The following LIMCH1 variants were observed in gnomAD, a reference collection of about 807,000 sequenced individuals.
LIMCH1 encodes the protein LIM and calponin homology domains 1.
Under a neutral mutation model 176.5 loss-of-function variants are expected in LIMCH1, and 113 were observed. That is an observed-to-expected ratio of 0.64 (90% CI 0.55 to 0.75). The LOEUF (loss-of-function observed/expected upper bound fraction) is 0.75, where lower values mean the gene tolerates loss of function less well. Among genes scored for constraint, LIMCH1 ranks in the 30% least tolerant of loss-of-function variants. The probability of loss-of-function intolerance (pLI) is 0.00; values close to 1 mark genes in which losing one functional copy is unlikely to be tolerated. For synonymous variants in LIMCH1, 619 were observed against 645.9 expected (o/e 0.96, Z 0.63); for missense variants, 1,674 against 1,814.9 (o/e 0.92, Z 1.41).
intron 19 of LIMCH1, 95 bp downstream of exon 19, chr4:41,661,605 A>G (rs2094622793): frequency 1.1e-6 from 1 of 881,270 alleles, no homozygotes; most frequent in South Asian, 1.5e-5. Flanking sequence ...GAGCCACAGG[A>G]AAGTAGTAAT....
At chr4:41,625,604 C>T (rs28558244) in intron 7 of LIMCH1, among the ~76,000 whole-genome samples, 11,297 of 152,054 alleles carry the variant, frequency 0.074, 1,410 homozygotes, top group African/African-American at 0.26. Flanking sequence ...GCCAATGATA[C>T]GGAAACTTTC....
intron 5 of LIMCH1, among the ~76,000 whole-genome samples, chr4:41,615,691 T>C (rs2091981103): frequency 6.6e-6 from 1 of 152,202 alleles, no homozygotes; most frequent in African/African-American, 2.4e-5. Context: ...TGGTGCTGAT[T>C]AGGAAGATTG....
At position 41,419,693 on chromosome 4, in the gene LIMCH1, T is replaced by TTCCGTCCTTCCTTCC. The variant is rs1561312681; in HGVS notation, c.96+58760_96+58761insGTCCTTCCTTCCTCC. 7.4e-5 allele frequency among the ~76,000 whole-genome samples: 6 copies of TTCCGTCCTTCCTTCC among 81,552 alleles called. 1 individual carries two copies. Among genetic ancestry groups the TTCCGTCCTTCCTTCC allele is most frequent in the African/African-American group, 4.8e-4 (6 of 12,488 alleles). 53.5% of individuals were successfully genotyped at this position (81,552 alleles called of 152,430 possible). A position where few individuals can be genotyped will look rare whatever the true frequency, so the allele number is the denominator to read the frequency against. ...CCTTCCTTCCTTCCTCCTTCCTTCC[T>TTCCGTCCTTCCTTCC]TCCTTCCTTCCTTCCTTCCTTCCTT... On this transcript the variant is annotated intron_variant, in intron 1 of 26. Coordinates refer to the LIMCH1 transcript ENST00000313860.
At chr4:41,568,935 T>C (rs1448620930) in intron 1 of LIMCH1, among the ~76,000 whole-genome samples, 1 of 152,206 alleles carries the variant, frequency 6.6e-6, no homozygotes, top group Non-Finnish European at 1.5e-5. Context: ...TGTCATTCTC[T>C]TGATCTTCTA....
intron 1 of LIMCH1, among the ~76,000 whole-genome samples, chr4:41,550,477 A>G (rs2080245712): frequency 6.6e-6 from 1 of 152,092 alleles, no homozygotes; most frequent in Non-Finnish European, 1.5e-5. Flanking sequence ...GGAATCAATC[A>G]TACACCACTT....
At chr4:41,379,908 C>T (rs1000296855) in intron 1 of LIMCH1, among the ~76,000 whole-genome samples, 2 of 152,246 alleles carry the variant, frequency 1.3e-5, no homozygotes, top group East Asian at 1.9e-4. Flanking sequence ...AGGCAGTTCT[C>T]CTGCCTCAGC....
Position 41,540,536 on chromosome 4 carries a change from C to T in LIMCH1, c.-241+2186C>T, listed in dbSNP as rs1470015073. ...GGTGGATCACCTGAGATCAGGCGTT[C>T]GAGACCAGCCTGGCCAACGTGGCGA... On this transcript the variant is annotated intron_variant, in intron 1 of 31. Coordinates refer to ENST00000503057, the MANE Select transcript of LIMCH1 (RefSeq NM_001330672.2). 3.3e-5 allele frequency among the ~76,000 whole-genome samples: 5 copies of T among 152,170 alleles called. No individual in the cohort carries two copies. The East Asian group carries it at 5.8e-4, about 18-fold the overall frequency.
intron 1 of LIMCH1, among the ~76,000 whole-genome samples, chr4:41,454,658 A>C (rs2064315597): frequency 6.6e-6 from 1 of 152,164 alleles, no homozygotes; most frequent in Non-Finnish European, 1.5e-5. Flanking sequence ...ATCTAGTGGC[A>C]GTGCACATTT....
At position 41,689,522 on chromosome 4, in the gene LIMCH1, C is replaced by T. The variant is rs756383625; in HGVS notation, c.4167-5C>T. The T allele has an allele frequency of 2.0e-6, 3 of 1,537,576 alleles. No homozygotes were observed. In the Admixed American group the frequency reaches 5.0e-5, roughly 26 times the overall value. ...TTTTATTCTTATGTATATTTTTAAA[C>T]CTAGGTCTATAAGTGGAAAGAAGCT... is the stretch of plus-strand genomic sequence containing the variant. On this transcript the variant is annotated splice_polypyrimidine_tract_variant and splice_region_variant and intron_variant, in intron 29 of 31. Coordinates refer to ENST00000503057, the MANE Select transcript of LIMCH1 (RefSeq NM_001330672.2).
At chr4:41,437,723 CCT>C (rs1353083645) in intron 1 of LIMCH1, among the ~76,000 whole-genome samples, 1 of 152,316 alleles carries the variant, frequency 6.6e-6, no homozygotes, top group Non-Finnish European at 1.5e-5. Flanking sequence ...TCTGTGTTTA[CCT>C]CTCTGTTTCA....
chr4:41,538,386 AG>A, intron 1 of LIMCH1, 36 bp downstream of exon 1: 1 of 971,134 alleles, frequency 1.0e-6, no homozygotes, highest in Non-Finnish European at 1.2e-6. Flanking sequence ...ATACATGCTT[AG>A]GGGTATCCAT....
intron 1 of LIMCH1, among the ~76,000 whole-genome samples, chr4:41,429,791 T>A (rs542423069): frequency 4.6e-5 from 7 of 152,318 alleles, no homozygotes; most frequent in Middle Eastern, 6.8e-3. Flanking sequence ...ATGCTACATA[T>A]CCATGGAGGG....
At chr4:41,533,171 G>C (rs554880119), upstream of LIMCH1, among the ~76,000 whole-genome samples, 7 of 152,322 alleles carry the variant, frequency 4.6e-5, no homozygotes, top group East Asian at 1.2e-3. Context: ...GCCTGAGAAA[G>C]AAAGAAAGAG....
intron 1 of LIMCH1, among the ~76,000 whole-genome samples, chr4:41,369,705 T>C (rs1561148419): frequency 6.6e-6 from 1 of 151,192 alleles, no homozygotes; most frequent in Non-Finnish European, 1.5e-5. Flanking sequence ...GGTGGGGGGA[T>C]TTGCCTCCTT....
At chr4:41,601,523 A>G (rs2089925759) in intron 2 of LIMCH1, among the ~76,000 whole-genome samples, 2 of 152,190 alleles carry the variant, frequency 1.3e-5, no homozygotes, top group South Asian at 4.1e-4. Context: ...TGTTTAAAAG[A>G]AAGAAAAGTA....
intron 1 of LIMCH1, among the ~76,000 whole-genome samples, chr4:41,481,342 G>A (rs1401531415): frequency 1.3e-5 from 2 of 152,212 alleles, no homozygotes; most frequent in Non-Finnish European, 2.9e-5. Context: ...GGGCGGTGAA[G>A]CCCTGGGCTG....
chr4:41,489,509 T>C (rs1053459637), intron 1 of LIMCH1, among the ~76,000 whole-genome samples: 3 of 152,192 alleles, frequency 2.0e-5, no homozygotes, highest in African/African-American at 7.2e-5. Flanking sequence ...ACAAAATACA[T>C]TGTAATTTCT....
At chr4:41,419,575 C>T (rs1054900429) in intron 1 of LIMCH1, among the ~76,000 whole-genome samples, 9 of 76,650 alleles carry the variant, frequency 1.2e-4, no homozygotes, top group Admixed American at 1.2e-4. Flanking sequence ...TCCTTCCTTC[C>T]TTCCTTCCTT....
At chr4:41,612,746 A>G in intron 4 of LIMCH1, 2 of 677,444 alleles carry the variant, frequency 3.0e-6, no homozygotes, top group East Asian at 2.7e-5. Flanking sequence ...GTCAGCCACA[A>G]GTGCTTTCAG....
Sources: gnomAD v4.1 joint callset for allele counts (sites outside exome capture counted in the v4.1 genomes callset) on GRCh38, gnomAD v4.1.1 for gene constraint, MANE v1.5 for transcripts, NCBI Gene and HGNC (gene_info 2026-07-23, HGNC 2026-07-21) for gene names.